MGARP: variants seen among roughly 807,000 people sequenced by gnomAD.
MGARP encodes the protein protein MGARP.
MGARP carries 12 observed loss-of-function variants against 11.0 expected under a neutral mutation model. The observed-to-expected ratio is 1.09, with a 90% CI of 0.70 to 1.77. MGARP has a LOEUF of 1.77. Ranked by LOEUF, MGARP falls within the 40% of genes most tolerant of loss-of-function variation. The pLI is 0.00. For synonymous variants in MGARP, 110 were observed against 115.4 expected, an observed-to-expected ratio of 0.95 and a Z score of 0.30; for missense variants, 283 against 297.8, an observed-to-expected ratio of 0.95 and a Z score of 0.36.
chr4:139,267,273 T>C (rs1391953252), intron 3 of MGARP, among the ~76,000 whole-genome samples: 4 of 152,144 alleles, frequency 2.6e-5, no homozygotes, highest in African/African-American at 7.2e-5. Context: ...GCCTAGATAA[T>C]TGTATTTGCA....
intron 1 of MGARP, among the ~76,000 whole-genome samples, chr4:139,276,120 T>TA (rs1744869754): frequency 1.3e-5 from 2 of 152,162 alleles, no homozygotes; most frequent in African/African-American, 4.8e-5. Flanking sequence ...AAACTTAAAG[T>TA]CGGAAGGAGC....
At chr4:139,279,062 A>G (rs1240526416) in intron 1 of MGARP, among the ~76,000 whole-genome samples, 5 of 152,232 alleles carry the variant, frequency 3.3e-5, no homozygotes, top group African/African-American at 7.2e-5. Flanking sequence ...TCAGAAAGTG[A>G]GGCTAAGTGA....
intron 1 of MGARP, among the ~76,000 whole-genome samples, chr4:139,279,842 C>T (rs576816432): frequency 6.6e-6 from 1 of 152,208 alleles, no homozygotes; most frequent in South Asian, 2.1e-4. Flanking sequence ...GATCAGGATG[C>T]GAACCCAGAT....
In MGARP at chr4:139,268,076, C is replaced by T. The variant is rs1280096743; in HGVS notation, c.280+596G>A. On this transcript the variant is annotated intron_variant, in intron 3 of 3. Coordinates refer to ENST00000398955, the MANE Select transcript of MGARP (RefSeq NM_032623.4). Reference sequence around the variant, plus strand: ...AGGCTGCAGTAGGCTATGATTGCACCACTGCACTCCAGCCTGGTTGACAGA... The same window carrying T: ...AGGCTGCAGTAGGCTATGATTGCACTACTGCACTCCAGCCTGGTTGACAGA... 1.6e-4 allele frequency among the ~76,000 whole-genome samples: 24 copies of T among 150,708 alleles called. No individual in the cohort carries two copies. In the Admixed American group the frequency reaches 1.6e-3, roughly 10 times the overall value.
At chr4:139,269,804 T>C (rs1744751256) in intron 2 of MGARP, among the ~76,000 whole-genome samples, 1 of 152,122 alleles carries the variant, frequency 6.6e-6, no homozygotes, top group South Asian at 2.1e-4. Flanking sequence ...ATTCAGTTAC[T>C]ATTGTTTGTA....
In MGARP at chr4:139,275,295, T is replaced by C. The variant is rs893085415; in HGVS notation, c.180A>G (p.Gly60=). ...LVVGVTVSAG[G]YYAYKTVTSD... ...TGGTTATATAATCACTTACATAATA[T>C]CCACCAGCACTGACTGTGACGCCTA... The change falls in exon 2 of 4, where the codon GGA becomes GGG. Residue 60 remains glycine, a synonymous_variant. Transcript: ENST00000398955. The C allele has an allele frequency of 6.8e-6, 11 of 1,611,602 alleles. No homozygotes were observed. The highest frequency in any genetic ancestry group is 8.5e-6 in the Non-Finnish European group (10 of 1,178,312).
In MGARP at chr4:139,278,568, CA is replaced by C. The variant is rs961547665; in HGVS notation, c.82+1508del. The stretch of plus-strand genomic sequence containing the variant: ...AAATTATTTGGAATTTCTGCAGCTA[CA>C]AAAAAAAGGTGCGCGTGTGTGTGTG... On this transcript the variant is annotated intron_variant, in intron 1 of 3. Transcript: ENST00000398955. Among the ~76,000 whole-genome samples, 17 of 151,558 alleles carry C rather than the reference CA, an allele frequency of 1.1e-4. No individual in the cohort carries two copies. In the South Asian group the frequency reaches 2.5e-3, roughly 22 times the overall value.
intron 2 of MGARP, among the ~76,000 whole-genome samples, chr4:139,270,398 A>T (rs1460558291): frequency 6.6e-6 from 1 of 151,702 alleles, no homozygotes; most frequent in Non-Finnish European, 1.5e-5. Context: ...TCATGAGGTC[A>T]GGAGATGGAG....
At chr4:139,272,937 TG>T (rs1248346154) in intron 2 of MGARP, among the ~76,000 whole-genome samples, 3 of 152,076 alleles carry the variant, frequency 2.0e-5, no homozygotes, top group African/African-American at 7.2e-5. Flanking sequence ...CCACCCACCT[TG>T]GCCTCCCAAA....
chr4:139,273,150 C>G (rs1205005838), intron 2 of MGARP, among the ~76,000 whole-genome samples: 3 of 152,190 alleles, frequency 2.0e-5, no homozygotes, highest in African/African-American at 7.2e-5. Context: ...AATTCTCCTG[C>G]CTTGGCCTCC....
chr4:139,268,112 G>A (rs1045506888), intron 3 of MGARP, among the ~76,000 whole-genome samples: 3 of 149,540 alleles, frequency 2.0e-5, no homozygotes, highest in Non-Finnish European at 3.0e-5. Context: ...GGGAGAGCCC[G>A]TGGAGGGAAG....
chr4:139,269,630 C>CAAAA (rs56142345), intron 2 of MGARP, among the ~76,000 whole-genome samples: 1 of 81,836 alleles, frequency 1.2e-5, no homozygotes. Flanking sequence ...GACTCCATCT[C>CAAAA]AAAAAAAAAA....
chr4:139,271,376 AT>A (rs1744778364), intron 2 of MGARP, among the ~76,000 whole-genome samples: 1 of 152,016 alleles, frequency 6.6e-6, no homozygotes, highest in Non-Finnish European at 1.5e-5. Flanking sequence ...AAATACAAAA[AT>A]TAGCCAGGCG....
At chr4:139,279,142 G>A (rs1487470870) in intron 1 of MGARP, among the ~76,000 whole-genome samples, 1 of 152,166 alleles carries the variant, frequency 6.6e-6, no homozygotes, top group African/African-American at 2.4e-5. Flanking sequence ...AAGAGAGAGG[G>A]GTGACGGATG....
intron 2 of MGARP, 123 bp from the exon 3 acceptor site, chr4:139,268,888 G>C: frequency 1.5e-6 from 1 of 645,594 alleles, no homozygotes; most frequent in Middle Eastern, 2.6e-4. Flanking sequence ...TCCCAGTGTA[G>C]CAAAGAAGAG....
intron 2 of MGARP, among the ~76,000 whole-genome samples, chr4:139,274,010 C>T (rs191515390): frequency 1.3e-5 from 2 of 152,088 alleles, no homozygotes; most frequent in Non-Finnish European, 2.9e-5. Context: ...ATGCTTTTCA[C>T]TTTATATATG....
At chr4:139,276,066 C>T (rs1348921362) in intron 1 of MGARP, among the ~76,000 whole-genome samples, 1 of 152,162 alleles carries the variant, frequency 6.6e-6, no homozygotes, top group Non-Finnish European at 1.5e-5. Context: ...GTAGTACTAA[C>T]ATTTGCATAT....
chr4:139,273,702 T>A (rs1341783436), intron 2 of MGARP, among the ~76,000 whole-genome samples: 1 of 151,814 alleles, frequency 6.6e-6, no homozygotes, highest in East Asian at 1.9e-4. Flanking sequence ...TTAGCACAGA[T>A]GAGGCTTCAC....
chr4:139,276,684 A>G (rs898814912), intron 1 of MGARP, among the ~76,000 whole-genome samples: 4 of 152,088 alleles, frequency 2.6e-5, no homozygotes, highest in African/African-American at 7.2e-5. Flanking sequence ...CATCTCTACA[A>G]AAAAATTTTA....
Sources: gnomAD v4.1 joint callset for allele counts (sites outside exome capture counted in the v4.1 genomes callset) on GRCh38, gnomAD v4.1.1 for gene constraint, MANE v1.5 for transcripts, NCBI Gene and HGNC (gene_info 2026-07-23, HGNC 2026-07-21) for gene names.